The following SIGLEC1 variants were observed in gnomAD, a reference collection of about 807,000 sequenced individuals.
SIGLEC1 encodes sialoadhesin.
In SIGLEC1, 132 loss-of-function variants were observed where a neutral mutation model predicts 148.0. That is an observed-to-expected ratio of 0.89 (90% CI 0.77 to 1.03). SIGLEC1 has a LOEUF of 1.03. Among genes scored for constraint, SIGLEC1 ranks in the 50% least tolerant of loss-of-function variants. The pLI is 0.00. For synonymous variants in SIGLEC1, 945 were observed against 969.0 expected, an observed-to-expected ratio of 0.98 and a Z score of 0.46; for missense variants, 2,253 against 2,271.4, an observed-to-expected ratio of 0.99 and a Z score of 0.16.
intron 14 of SIGLEC1, 62 bp from the exon 15 acceptor site, chr20:3,693,193 A>C: frequency 6.7e-7 from 1 of 1,494,552 alleles, no homozygotes; most frequent in African/African-American, 1.4e-5. Flanking sequence ...GCCAGTTTGC[A>C]GGTGGCATTC....
At position 3,688,576 on chromosome 20, in the gene SIGLEC1, G is replaced by A. The variant is rs1343626288; in HGVS notation, c.5114C>T (p.Ala1705Val). 6.2e-7 allele frequency: 1 copy of A among 1,601,850 alleles called. No homozygotes were observed. Residue 1705 changes from alanine to valine, a missense_variant, in exon 22 of 22, where the codon GCC becomes GTC. Coordinates refer to ENST00000344754, the MANE Select transcript of SIGLEC1 (RefSeq NM_023068.4). The stretch of plus-strand genomic sequence containing the variant: ...CACCACTGGTCAGCCCAGGGGTGGG[G>A]CACAGGTTGAGGTCTCACATGTGGC... ...DAATCETSTCAPPLG is the reference protein window; with the variant it reads ...DAATCETSTCVPPLG
rs2088801213 is a variant in SIGLEC1, at chr20:3,694,421, T to C, written c.3056A>G (p.His1019Arg). The C allele has an allele frequency of 1.1e-5, 17 of 1,612,044 alleles. No homozygotes were observed. The highest frequency in any genetic ancestry group is 3.3e-5 in the Admixed American group (2 of 59,964). The change falls in exon 13 of 22, where the codon CAC (histidine) becomes CGC (arginine). Residue 1019 changes from histidine to arginine, a missense_variant. His to Arg is a conservative substitution (Grantham distance 29). Transcript: ENST00000344754. ...SDPPAQLRLL[H>R]GDRLVASTLQ... ...GGTGGAGGCCACAAGGCGATCCCCG[T>C]GGAGCAGCCGCAGCTGGGCCGGAGG...
intron 21 of SIGLEC1, chr20:3,688,889 G>A (rs1006124309): frequency 1.9e-4 from 114 of 597,742 alleles, no homozygotes; most frequent in East Asian, 1.3e-3. Context: ...CAGAACATAC[G>A]TGTCTTGGAA....
intron 17 of SIGLEC1, 104 bp downstream of exon 17, chr20:3,691,799 C>T: frequency 7.0e-7 from 1 of 1,418,630 alleles, no homozygotes; most frequent in African/African-American, 1.4e-5. Context: ...CAAGGCAGAG[C>T]TTTCTCAGAC....
At chr20:3,702,873 G>A (rs780002601) in intron 6 of SIGLEC1, among the ~76,000 whole-genome samples, 10 of 152,168 alleles carry the variant, frequency 6.6e-5, no homozygotes, top group East Asian at 1.9e-4. Context: ...ATGTATGTGC[G>A]TGTGTGTGTC....
Position 3,703,209 on chromosome 20 carries a change from C to T in SIGLEC1, c.1216G>A (p.Val406Met), listed in dbSNP as rs146315532. The T allele has an allele frequency of 2.3e-5, 37 of 1,613,952 alleles. No homozygotes were observed. Among genetic ancestry groups the T allele is most frequent in the African/African-American group, 1.7e-4 (13 of 74,910 alleles). ...CCTGGCCTCTTACGGTTGACTACCACGCTGACAGGGCCCGAGCGCTCGCTG... is the reference window on the plus strand; with the variant it reads ...CCTGGCCTCTTACGGTTGACTACCATGCTGACAGGGCCCGAGCGCTCGCTG... The part of the protein sequence containing the change: ...HGSERSGPVS[V>M]VVNHPPLTPV... Residue 406 changes from valine to methionine, a missense_variant, in exon 6 of 22, where the codon GTG becomes ATG. Val to Met is a conservative substitution (Grantham distance 21). Coordinates refer to ENST00000344754, the MANE Select transcript of SIGLEC1 (RefSeq NM_023068.4).
chr20:3,690,145 G>A lies in SIGLEC1; in HGVS notation c.4711C>T (p.Arg1571Ter), dbSNP rs768663427. ...LASLTLHLGS[R>*]LVASSQPQGA... ...TGGGGCTGACTGGAGGCCACCAGTC[G>A]ACTGCCAAGGTGGAGAGTCAGGCTG... Residue 1571 changes from arginine to a stop codon, truncating the protein, a stop_gained, in exon 19 of 22, where the codon CGA becomes TGA. Coordinates refer to ENST00000344754, the MANE Select transcript of SIGLEC1 (RefSeq NM_023068.4). LOFTEE classifies it high-confidence loss of function. 8 of 1,602,268 alleles carry A rather than the reference G, an allele frequency of 5.0e-6. No individual in the cohort carries two copies. Among genetic ancestry groups the A allele is most frequent in the East Asian group, 2.3e-5 (1 of 44,298 alleles).
At position 3,706,717 on chromosome 20, in the gene SIGLEC1, A is replaced by C. The variant is rs2087899408; in HGVS notation, c.50-11T>G. Reference sequence around the variant, plus strand: ...CCCATGAGGCCTGGCCTGGGGGAAGAACGGCAGGGGGACAGAGGGGAGGGT... The same window carrying C: ...CCCATGAGGCCTGGCCTGGGGGAAGCACGGCAGGGGGACAGAGGGGAGGGT... On this transcript the variant is annotated splice_polypyrimidine_tract_variant and intron_variant, in intron 2 of 21. Transcript: ENST00000344754. The C allele has an allele frequency of 6.5e-7, 1 of 1,530,732 alleles. No homozygotes were observed. Among genetic ancestry groups the C allele is most frequent in the African/African-American group, 1.4e-5 (1 of 72,890 alleles). 94.8% of individuals were successfully genotyped at this position (1,530,732 alleles called of 1,614,324 possible). A position where few individuals can be genotyped will look rare whatever the true frequency, so the allele number is the denominator to read the frequency against.
rs2088764585 is a variant in SIGLEC1 at position 3,691,640 on chromosome 20, G to A, written c.4331-40C>T. The A allele has an allele frequency of 3.8e-6, 6 of 1,596,048 alleles. No individual in the cohort carries two copies. In the East Asian group the frequency reaches 1.1e-4, roughly 30 times the overall value. ...TAGAGAGATGATTGGGGATCTGTAG[G>A]CCTTGGGGGCTGGAGCCTCTGGGTG... is the stretch of plus-strand genomic sequence containing the variant. On this transcript the variant is annotated intron_variant, in intron 17 of 21. Coordinates refer to ENST00000344754, the MANE Select transcript of SIGLEC1 (RefSeq NM_023068.4).
At chr20:3,704,815 G>T (rs969133363) in intron 4 of SIGLEC1, among the ~76,000 whole-genome samples, 1 of 152,114 alleles carries the variant, frequency 6.6e-6, no homozygotes, top group African/African-American at 2.4e-5. Flanking sequence ...GTAGAGACAG[G>T]GTCTCACTAT....
In SIGLEC1 at chr20:3,692,887, G is replaced by A. The variant is rs770512706; in HGVS notation, c.3753C>T (p.Asn1251=). Residue 1251 remains asparagine (N), a synonymous_variant, in exon 15 of 22, where the codon AAC becomes AAT. Transcript: ENST00000344754. The part of the protein sequence containing the change: ...CSARSPLGQA[N]TSLELRLEGV... The stretch of plus-strand genomic sequence containing the variant: ...CCTCCAGCCGCAGCTCCAGGGACGT[G>A]TTGGCCTGGCCCAGAGGGCTGCGGG... 10 of 1,611,388 alleles carry A rather than the reference G, an allele frequency of 6.2e-6. No individual in the cohort carries two copies. Among genetic ancestry groups the A allele is most frequent in the Middle Eastern group, 1.7e-4 (1 of 6,060 alleles).
intron 1 of SIGLEC1, among the ~76,000 whole-genome samples, chr20:3,708,206 A>G (rs4813639): frequency 0.074 from 11,305 of 152,206 alleles, 496 homozygotes; most frequent in East Asian, 0.12. Flanking sequence ...CACATACCCC[A>G]CAAATATGAG....
At chr20:3,697,749 C>G (rs150086862) in intron 9 of SIGLEC1, 49 bp downstream of exon 9, 1 of 1,564,882 alleles carries the variant, frequency 6.4e-7, no homozygotes, top group South Asian at 1.1e-5. Flanking sequence ...CAGAACAGTC[C>G]AGAGCTCCAG....
Position 3,693,516 on chromosome 20 carries a change from A to G in SIGLEC1, c.3439T>C (p.Tyr1147His), listed in dbSNP as rs752382418. ...CCAGGGGGGCCCACACCGCAGCGGT[A>G]GGAGGTGGCATCCCTGACTGTGACG... ...PNVTVRDATS[Y>H]RCGVGPPGRA... Residue 1147 changes from tyrosine to histidine, a missense_variant, in exon 14 of 22, where the codon TAC (tyrosine) becomes CAC (histidine). By Grantham distance (83) the Tyr-to-His change is moderately conservative. Coordinates refer to ENST00000344754, the MANE Select transcript of SIGLEC1 (RefSeq NM_023068.4). 9.9e-6 allele frequency: 16 copies of G among 1,611,084 alleles called. No individual in the cohort carries two copies. The highest frequency in any genetic ancestry group is 1.3e-5 in the Non-Finnish European group (15 of 1,178,802).
At chr20:3,693,325 T>G (rs1035578893) in intron 14 of SIGLEC1, 122 bp downstream of exon 14, 1 of 1,252,006 alleles carries the variant, frequency 8.0e-7, no homozygotes, top group African/African-American at 1.5e-5. Flanking sequence ...CCTTGCCCAG[T>G]GCTCCACTAG....
At position 3,699,212 on chromosome 20, in the gene SIGLEC1, G is replaced by C; in HGVS notation, c.1776C>G (p.Leu592=). 1.2e-6 allele frequency: 2 copies of C among 1,609,560 alleles called. No individual in the cohort carries two copies. Among genetic ancestry groups the C allele is most frequent in the Non-Finnish European group, 1.7e-6 (2 of 1,178,996 alleles). Residue 592 remains leucine (L), a synonymous_variant, in exon 8 of 22, where the codon CTC becomes CTG. Coordinates refer to ENST00000344754, the MANE Select transcript of SIGLEC1 (RefSeq NM_023068.4). ...GTGGTGGCTGCTCACAGAGCACAGT[G>C]AGAACAGCTGGCGAAGAGGGGCCAC... ...SASGPSSPAV[L]TVLYPPRQPT...
In SIGLEC1 at chr20:3,689,244, G is replaced by A. The variant is rs372097951; in HGVS notation, c.4998-17C>T. ...CGCCTCCTTCTGCAAGGCCCGGAGT[G>A]GACTCAGAGAGCCTCTCCCCTCCCC... On this transcript the variant is annotated splice_polypyrimidine_tract_variant and intron_variant, in intron 20 of 21. Coordinates refer to ENST00000344754, the MANE Select transcript of SIGLEC1 (RefSeq NM_023068.4). 2.8e-5 allele frequency: 45 copies of A among 1,611,464 alleles called. No homozygotes were observed. In the African/African-American group the frequency reaches 5.2e-4, roughly 19 times the overall value.
chr20:3,691,790 A>C lies in SIGLEC1; in HGVS notation c.4330+113T>G. 2.9e-6 allele frequency: 4 copies of C among 1,396,282 alleles called. No individual in the cohort carries two copies. The South Asian group carries it at 5.6e-5, about 19-fold the overall frequency. 86.5% of individuals were successfully genotyped at this position (1,396,282 alleles called of 1,614,324 possible). On this transcript the variant is annotated intron_variant, in intron 17 of 21. Coordinates refer to ENST00000344754, the MANE Select transcript of SIGLEC1 (RefSeq NM_023068.4). The stretch of plus-strand genomic sequence containing the variant: ...CCCCCTCCACCAGATTAGGCTTCTC[A>C]AGGCAGAGCTTTCTCAGACCAGACA...
In SIGLEC1 at chr20:3,706,534, C is replaced by A; in HGVS notation, c.222G>T (p.Ala74=). ...SGQRQVVSHS[A]DPKLVEARFR... ...AGCGGGCCTCCACCAGCTTGGGGTC[C>A]GCCGAGTGGCTCACCACCTGCCGCT... Residue 74 remains alanine (A), a synonymous_variant, in exon 3 of 22, where the codon GCG becomes GCT. Transcript: ENST00000344754. 1 of 1,612,884 alleles carries A rather than the reference C, an allele frequency of 6.2e-7. No homozygotes were observed. Among genetic ancestry groups the A allele is most frequent in the Non-Finnish European group, 8.5e-7 (1 of 1,179,898 alleles).
Sources: allele counts gnomAD v4.1 joint callset (sites outside exome capture counted in the v4.1 genomes callset), GRCh38; gene constraint gnomAD v4.1.1; transcripts MANE v1.5; gene names NCBI Gene and HGNC (gene_info 2026-07-23, HGNC 2026-07-21).